The following PDE9A variants were observed in gnomAD, a reference collection of about 807,000 sequenced individuals.
PDE9A encodes the protein high affinity cGMP-specific 3',5'-cyclic phosphodiesterase 9A.
PDE9A carries 60 observed loss-of-function variants against 87.4 expected under a neutral mutation model. That is an observed-to-expected ratio of 0.69 (90% CI 0.56 to 0.85). The LOEUF (loss-of-function observed/expected upper bound fraction) is 0.85. PDE9A is among the 40% of genes least tolerant of loss of function. PDE9A has a pLI of 0.00. For synonymous variants in PDE9A, 272 were observed against 279.4 expected (o/e 0.97, Z 0.27); for missense variants, 665 against 779.0 (o/e 0.85, Z 1.74).
At chr21:42,727,254 A>G (rs2051227195) in intron 4 of PDE9A, among the ~76,000 whole-genome samples, 2 of 152,180 alleles carry the variant, frequency 1.3e-5, no homozygotes, top group Non-Finnish European at 2.9e-5. Context: ...GTAGTTTTCA[A>G]CATACAACTT....
intron 13 of PDE9A, among the ~76,000 whole-genome samples, chr21:42,761,815 T>C (rs1445022480): frequency 6.6e-6 from 1 of 152,198 alleles, no homozygotes; most frequent in Admixed American, 6.5e-5. Context: ...GAGGCCGTGA[T>C]GCCTCAGGGC....
chr21:42,764,590 C>A (rs1045988959), intron 14 of PDE9A, among the ~76,000 whole-genome samples: 17 of 152,262 alleles, frequency 1.1e-4, no homozygotes, highest in Non-Finnish European at 1.8e-4. Context: ...GGAGGAGCAG[C>A]CGCTCTGCAC....
chr21:42,751,245 C>G (rs773108939), intron 9 of PDE9A, 48 bp downstream of exon 9: 1 of 1,336,418 alleles, frequency 7.5e-7, no homozygotes, highest in Non-Finnish European at 1.1e-6. Flanking sequence ...TGTCCCCAGC[C>G]CCACGCCCAG....
chr21:42,675,536 G>A lies in PDE9A; in HGVS notation c.70-10656G>A, dbSNP rs776288181. On this transcript the variant is annotated intron_variant, in intron 1 of 19. Coordinates refer to ENST00000291539, the MANE Select transcript of PDE9A (RefSeq NM_002606.3). The surrounding 1 kb of genome is among the most constrained non-coding windows in gnomAD (Gnocchi z 4.3). Reference sequence around the variant, plus strand: ...AAGAGCCATTCCTGGAAATGAGACTGTGAGTCAAAGGGCACAAATACCGCC... The same window carrying A: ...AAGAGCCATTCCTGGAAATGAGACTATGAGTCAAAGGGCACAAATACCGCC... Among the ~76,000 whole-genome samples the A allele has an allele frequency of 1.3e-5, 2 of 152,244 alleles. No individual in the cohort carries two copies. Among genetic ancestry groups the A allele is most frequent in the Non-Finnish European group, 2.9e-5 (2 of 68,046 alleles).
intron 6 of PDE9A, among the ~76,000 whole-genome samples, chr21:42,732,494 C>T (rs1278347627): frequency 5.9e-5 from 9 of 152,216 alleles, no homozygotes; most frequent in Admixed American, 2.0e-4. Context: ...TCCTTTTCAT[C>T]GGAGTCATCC....
At chr21:42,749,959 G>A (rs1441392505) in intron 8 of PDE9A, among the ~76,000 whole-genome samples, 1 of 151,430 alleles carries the variant, frequency 6.6e-6, no homozygotes, top group Non-Finnish European at 1.5e-5. Context: ...CCAACATGGT[G>A]AAACCCCGTC....
chr21:42,717,526 A>ACT (rs2146539773), intron 4 of PDE9A, among the ~76,000 whole-genome samples: 1 of 144,468 alleles, frequency 6.9e-6, no homozygotes. Context: ...CCTGGGCAAG[A>ACT]GAGTGAGACT....
In PDE9A at chr21:42,657,395, C is replaced by T. The variant is rs188978333; in HGVS notation, c.69+3512C>T. 2.7e-3 allele frequency among the ~76,000 whole-genome samples: 404 copies of T among 152,308 alleles called. 1 individual carries two copies. The highest frequency in any genetic ancestry group is 7.9e-3 in the African/African-American group (330 of 41,560). On this transcript the variant is annotated intron_variant, in intron 1 of 19. Coordinates refer to ENST00000291539, the MANE Select transcript of PDE9A (RefSeq NM_002606.3). ...GAAGGGGAGAGGTGGAAGCCAGGTCCCCAAACCTAGGGTGCTGAGGTCCTT... is the reference window on the plus strand; with the variant it reads ...GAAGGGGAGAGGTGGAAGCCAGGTCTCCAAACCTAGGGTGCTGAGGTCCTT...
intron 14 of PDE9A, among the ~76,000 whole-genome samples, chr21:42,764,463 G>A (rs983829442): frequency 3.9e-5 from 6 of 152,228 alleles, no homozygotes; most frequent in Non-Finnish European, 5.9e-5. Context: ...CCAGTGGGGA[G>A]CTCCTCCAGG....
At chr21:42,685,099 G>C (rs984635034) in intron 1 of PDE9A, among the ~76,000 whole-genome samples, 1 of 152,228 alleles carries the variant, frequency 6.6e-6, no homozygotes, top group Non-Finnish European at 1.5e-5. Flanking sequence ...GCCAGGAGCC[G>C]GGGAAACTGT....
chr21:42,681,765 G>A (rs2059178499), intron 1 of PDE9A, among the ~76,000 whole-genome samples: 1 of 152,230 alleles, frequency 6.6e-6, no homozygotes, highest in African/African-American at 2.4e-5. Flanking sequence ...CTGCAAGCCA[G>A]AAGCCAACAT....
At position 42,754,019 on chromosome 21, in the gene PDE9A, C is replaced by T; in HGVS notation, c.765C>T (p.Ala255=). ...TGCTCTCTCCAGAGACCATCGAGGC[C>T]CTGCGGAAGCCGACCTTTGACGTCT... ...KYLLSPETIE[A]LRKPTFDVWL... is the part of the protein sequence containing the mutation. The change falls in exon 10 of 20, where the codon GCC becomes GCT. Residue 255 remains alanine, a synonymous_variant. Transcript: ENST00000291539. The T allele has an allele frequency of 6.2e-7, 1 of 1,613,456 alleles. No individual in the cohort carries two copies. Among genetic ancestry groups the T allele is most frequent in the Non-Finnish European group, 8.5e-7 (1 of 1,179,568 alleles).
Position 42,731,913 on chromosome 21 carries a change from C to T in PDE9A, c.406C>T (p.Gln136Ter). The T allele has an allele frequency of 6.2e-7, 1 of 1,614,056 alleles. No homozygotes were observed. The highest frequency in any genetic ancestry group is 8.5e-7 in the Non-Finnish European group (1 of 1,179,934). The change falls in exon 5 of 20, where the codon CAG (glutamine) becomes TAG (stop). Residue 136 changes from glutamine (Q) to a stop codon, truncating the protein, a stop_gained. Transcript: ENST00000291539. LOFTEE classifies it high-confidence loss of function. ...GQVEPRPREPQGCYQEGQRIP... is the reference protein window; with the variant it reads ...GQVEPRPREP ...GGTAGAGCCCAGGCCCAGAGAGCCC[C>T]AGGGCTGCTACCAGGAAGGCCAGCG... is the stretch of plus-strand genomic sequence containing the variant.
At position 42,675,565 on chromosome 21, in the gene PDE9A, C is replaced by G. The variant is rs981129275; in HGVS notation, c.70-10627C>G. On this transcript the variant is annotated intron_variant, in intron 1 of 19. Coordinates refer to ENST00000291539, the MANE Select transcript of PDE9A (RefSeq NM_002606.3). The surrounding 1 kb of genome is among the most constrained non-coding windows in gnomAD (Gnocchi z 4.3). ...GTCAAAGGGCACAAATACCGCCAAC[C>G]TGCTTTCCGACAGCGCTGTGTGGAT... Among the ~76,000 whole-genome samples the G allele has an allele frequency of 2.0e-5, 3 of 152,264 alleles. No homozygotes were observed. Among genetic ancestry groups the G allele is most frequent in the African/African-American group, 7.2e-5 (3 of 41,478 alleles).
chr21:42,770,699 C>T lies in PDE9A; in HGVS notation c.1591-4C>T. On this transcript the variant is annotated splice_polypyrimidine_tract_variant and splice_region_variant and intron_variant, in intron 17 of 19. Transcript: ENST00000291539. ...CTCTGAATAAATCCGTGTGTCTCTC[C>T]CAGCTCTTCCCCATGGTTGAGGAGA... 6.2e-7 allele frequency: 1 copy of T among 1,611,206 alleles called. No homozygotes were observed. Among genetic ancestry groups the T allele is most frequent in the African/African-American group, 1.3e-5 (1 of 74,996 alleles).
At chr21:42,661,425 T>C (rs78538960) in intron 1 of PDE9A, among the ~76,000 whole-genome samples, 5,344 of 123,806 alleles carry the variant, frequency 0.043, 393 homozygotes, top group African/African-American at 0.15. Flanking sequence ...CCACTGTACA[T>C]TCCGCTTTCT....
intron 1 of PDE9A, among the ~76,000 whole-genome samples, chr21:42,677,854 GC>G: frequency 6.6e-6 from 1 of 152,270 alleles, no homozygotes; most frequent in Middle Eastern, 3.4e-3. Context: ...CACTGGCCAG[GC>G]TGGGCTCAAA....
rs1228977963 is a variant in PDE9A, at chr21:42,760,716, G to A, written c.1003-109G>A. The A allele has an allele frequency of 6.8e-6, 5 of 731,114 alleles. No homozygotes were observed. 45.3% of individuals were successfully genotyped at this position (731,114 alleles called of 1,614,324 possible). The stretch of plus-strand genomic sequence containing the variant: ...CCATGCCAGGAGATGCCAGATGGCT[G>A]CAGGGGCCTTTGTCCCCCGCTTACC... On this transcript the variant is annotated intron_variant, in intron 12 of 19. Transcript: ENST00000291539. This position sits in a 1 kb window ranked among gnomAD's most constrained non-coding sequence, Gnocchi z 5.2.
intron 14 of PDE9A, 31 bp from the exon 15 acceptor site, chr21:42,765,350 C>G: frequency 7.8e-7 from 1 of 1,277,170 alleles, no homozygotes; most frequent in Non-Finnish European, 1.1e-6. Context: ...AGACTATACC[C>G]GTGTTAACAC....
Sources: gnomAD v4.1 joint callset for allele counts (sites outside exome capture counted in the v4.1 genomes callset) on GRCh38, gnomAD v4.1.1 for gene constraint, Gnocchi (gnomAD v3.1) non-coding constraint, MANE v1.5 for transcripts, NCBI Gene and HGNC (gene_info 2026-07-23, HGNC 2026-07-21) for gene names.